Variants in APOOL observed in about 807,000 individuals in gnomAD.
APOOL encodes the protein apolipoprotein O like.
APOOL carries 12 observed loss-of-function variants against 23.1 expected under a neutral mutation model. That is an observed-to-expected ratio of 0.52 (90% CI 0.33 to 0.84). The LOEUF is 0.84. Among genes scored for constraint, APOOL ranks in the 40% least tolerant of loss-of-function variants. The probability of loss-of-function intolerance (pLI) is 0.02; values close to 1 mark genes in which losing one functional copy is unlikely to be tolerated. For missense variants in APOOL, 212 were observed against 199.6 expected, an observed-to-expected ratio of 1.06 and a Z score of -0.37; for synonymous variants, 77 against 69.9, an observed-to-expected ratio of 1.10 and a Z score of -0.51.
chrX:85,028,909 AC>A (rs200382057), intron 1 of APOOL, among the ~76,000 whole-genome samples: 5,048 of 111,153 alleles, frequency 0.045, 140 homozygotes, highest in Middle Eastern at 0.12. Context: ...TTGTATAGAT[AC>A]CCCATTTTCT....
chrX:85,022,314 G>A (rs1316536765), intron 1 of APOOL, among the ~76,000 whole-genome samples: 2 of 112,123 alleles, frequency 1.8e-5, no homozygotes, highest in African/African-American at 6.5e-5. Flanking sequence ...TATTCCTGAT[G>A]AACTTAGATG....
At chrX:85,037,012 CTCCA>C (rs1405960365) in intron 1 of APOOL, among the ~76,000 whole-genome samples, 1 of 111,750 alleles carries the variant, frequency 8.9e-6, no homozygotes, top group African/African-American at 3.3e-5. Context: ...TGGCCTCCAA[CTCCA>C]TCCAAGTTGC....
Position 85,092,789 on chromosome X carries a change from T to C in APOOL, c.*5111T>C. 1 of 358,795 alleles carries C rather than the reference T, an allele frequency of 2.8e-6. No individual in the cohort carries two copies. The highest frequency in any genetic ancestry group is 4.8e-6 in the Non-Finnish European group (1 of 209,193). The allele number at this position is 358,795 out of a possible 1,213,427, so 29.6% of individuals were successfully genotyped here. ...TCTCAAAACTGATTTGCAAAGCCTT[T>C]ATCATACAGAAAAGGTGTACCTAAA... On this transcript the variant is annotated 3_prime_UTR_variant, in exon 9 of 9. Coordinates refer to ENST00000373173, the MANE Select transcript of APOOL (RefSeq NM_198450.6).
At chrX:85,062,546 A>T (rs1029040531) in intron 5 of APOOL, among the ~76,000 whole-genome samples, 1 of 111,833 alleles carries the variant, frequency 8.9e-6, no homozygotes, top group Non-Finnish European at 1.9e-5. Flanking sequence ...CTTTTTGTAT[A>T]AGGTGTAAGG....
intron 6 of APOOL, among the ~76,000 whole-genome samples, chrX:85,068,097 TATTC>T (rs1264338735): frequency 8.9e-6 from 1 of 112,164 alleles, no homozygotes. Context: ...AAGAGAGCAT[TATTC>T]ATTAAGTCTA....
At chrX:85,008,536 TG>T (rs373586291) in intron 1 of APOOL, among the ~76,000 whole-genome samples, 433 of 10,951 alleles carry the variant, frequency 0.04, 2 homozygotes, top group African/African-American at 0.13. Flanking sequence ...GATAACCCGT[TG>T]TGTGTGTGTG....
chrX:85,084,427 G>A (rs761102886), intron 8 of APOOL, among the ~76,000 whole-genome samples: 1 of 109,997 alleles, frequency 9.1e-6, no homozygotes. Context: ...GAGCTACCAC[G>A]CCTGGCCTTT....
intron 8 of APOOL, among the ~76,000 whole-genome samples, chrX:85,078,908 T>A (rs1350702714): frequency 8.9e-6 from 1 of 111,757 alleles, no homozygotes; most frequent in Admixed American, 9.5e-5. Context: ...TAATGGTGTA[T>A]AAGAATGCTT....
rs1924377973 is a variant in APOOL, at chrX:85,088,032, A to G, written c.*354A>G. ...TATGTATAAATACATACATATTTAT[A>G]CATGTATAAATACGTATTTATACAT... On this transcript the variant is annotated 3_prime_UTR_variant, in exon 9 of 9. Transcript: ENST00000373173. 1 of 102,681 alleles carries G rather than the reference A, an allele frequency of 9.7e-6. No homozygotes were observed. The highest frequency in any genetic ancestry group is 2.0e-5 in the Non-Finnish European group (1 of 51,055). The allele number at this position is 102,681 out of a possible 1,213,427, so 8.5% of individuals were successfully genotyped here.
At chrX:85,051,925 A>G (rs1922795574) in intron 3 of APOOL, among the ~76,000 whole-genome samples, 1 of 112,160 alleles carries the variant, frequency 8.9e-6, no homozygotes, top group Non-Finnish European at 1.9e-5. Context: ...CAATGTTACA[A>G]GTGGCCCTAG....
At chrX:85,062,746 G>C (rs1297003753) in intron 5 of APOOL, among the ~76,000 whole-genome samples, 4 of 111,532 alleles carry the variant, frequency 3.6e-5, no homozygotes, top group Non-Finnish European at 7.5e-5. Context: ...CCAATACCTT[G>C]CTGTTTTGGC....
chrX:85,036,254 G>T (rs68072428), intron 1 of APOOL, among the ~76,000 whole-genome samples: 4,955 of 111,417 alleles, frequency 0.044, 240 homozygotes, highest in African/African-American at 0.14. Context: ...GAATGGGATT[G>T]TATTCTTAAG....
At chrX:85,033,904 T>G (rs1386529825) in intron 1 of APOOL, among the ~76,000 whole-genome samples, 1 of 111,739 alleles carries the variant, frequency 8.9e-6, no homozygotes, top group Non-Finnish European at 1.9e-5. Flanking sequence ...TCTTAACTCT[T>G]CTATTCCTTG....
intron 2 of APOOL, among the ~76,000 whole-genome samples, chrX:85,050,592 C>G (rs950515867): frequency 9.5e-6 from 1 of 104,830 alleles, no homozygotes; most frequent in African/African-American, 3.6e-5. Flanking sequence ...GGATTTATAC[C>G]CTAAATATAA....
intron 1 of APOOL, among the ~76,000 whole-genome samples, chrX:85,034,404 T>C (rs986650036): frequency 7.2e-5 from 8 of 111,521 alleles, no homozygotes; most frequent in Non-Finnish European, 1.5e-4. Context: ...ATCAGCCTTA[T>C]GTTTTTAGTA....
At chrX:85,067,892 A>G (rs1923520789) in intron 6 of APOOL, among the ~76,000 whole-genome samples, 1 of 111,077 alleles carries the variant, frequency 9.0e-6, no homozygotes, top group African/African-American at 3.3e-5. Context: ...AATTACCAAC[A>G]GTTAGCATTT....
At chrX:85,029,997 C>G (rs1177767157) in intron 1 of APOOL, among the ~76,000 whole-genome samples, 2 of 111,787 alleles carry the variant, frequency 1.8e-5, no homozygotes, top group African/African-American at 6.5e-5. Context: ...TCCAGCAGTC[C>G]CACTACTGGG....
intron 1 of APOOL, among the ~76,000 whole-genome samples, chrX:85,038,698 A>G (rs1264722848): frequency 9.2e-6 from 1 of 108,809 alleles, no homozygotes; most frequent in Non-Finnish European, 1.9e-5. Context: ...TTGTGTTCAT[A>G]GAGGATTTCA....
At position 85,071,962 on chromosome X, in the gene APOOL, C is replaced by T. The variant is rs777403867; in HGVS notation, c.487-2036C>T. ...ACAAAAAATTAGCCGGGCATGGTGG[C>T]GTGGGTATGGTGGCGTGCGCCTGTA... is the stretch of plus-strand genomic sequence containing the variant. On this transcript the variant is annotated intron_variant, in intron 6 of 8. Transcript: ENST00000373173. Among the ~76,000 whole-genome samples the T allele has an allele frequency of 2.7e-5, 3 of 110,860 alleles. No homozygotes were observed. In the Admixed American group the frequency reaches 2.9e-4, roughly 11 times the overall value.
Sources: gnomAD v4.1 joint callset for allele counts (sites outside exome capture counted in the v4.1 genomes callset) on GRCh38, gnomAD v4.1.1 for gene constraint, MANE v1.5 for transcripts, NCBI Gene and HGNC (gene_info 2026-07-23, HGNC 2026-07-21) for gene names.